The following NREP variants were observed in gnomAD, a reference collection of about 807,000 sequenced individuals.
NREP encodes the protein neuronal regeneration related protein.
A neutral mutation model predicts 8.6 loss-of-function variants in NREP; 5 were observed. The ratio of observed to expected loss-of-function variants is 0.58; its 90% CI spans 0.30 to 1.22. The LOEUF is 1.22. Ranked by LOEUF, NREP falls within the 50% of genes most tolerant of loss-of-function variation. NREP has a pLI of 0.07. For missense variants in NREP, 86 were observed against 82.5 expected (o/e 1.04, Z -0.17); for synonymous variants, 27 against 28.0 (o/e 0.96, Z 0.11).
At chr5:111,757,651 C>G, upstream of NREP, 2 of 983,132 alleles carry the variant, frequency 2.0e-6, no homozygotes, top group Non-Finnish European at 2.4e-6. Flanking sequence ...CCGGGCGCCC[C>G]GCTCGCCGCG....
intron 2 of NREP, among the ~76,000 whole-genome samples, chr5:111,867,018 A>G (rs1753682341): frequency 6.6e-6 from 1 of 151,998 alleles, no homozygotes; most frequent in Admixed American, 6.6e-5. Context: ...AGGGGGAGGG[A>G]TAGCATTTGG....
chr5:111,976,804 G>A (rs1417446244), exon 1 of NREP: 1 of 1,398,606 alleles, frequency 7.1e-7, no homozygotes, highest in Admixed American at 2.0e-5. Context: ...TTCTTGCCGG[G>A]AGTTGGCCAG....
At chr5:111,819,029 A>G (rs555410042) in intron 2 of NREP, among the ~76,000 whole-genome samples, 2 of 152,240 alleles carry the variant, frequency 1.3e-5, no homozygotes, top group Non-Finnish European at 2.9e-5. Context: ...TCAAAGAATC[A>G]GTATGTCAGT....
chr5:111,964,862 A>AT (rs1756591618), intron 2 of NREP, among the ~76,000 whole-genome samples: 1 of 106,558 alleles, frequency 9.4e-6, no homozygotes, highest in Admixed American at 8.6e-5. Context: ...CAGCAAAAAA[A>AT]AAAAAAAAAA....
intron 2 of NREP, among the ~76,000 whole-genome samples, chr5:111,836,013 A>G (rs772354989): frequency 9.5e-4 from 144 of 152,098 alleles, no homozygotes; most frequent in Non-Finnish European, 1.7e-3. Context: ...GGTGAAAAAG[A>G]AATAAGGTTC....
At chr5:111,838,895 G>C (rs1392731928) in intron 2 of NREP, among the ~76,000 whole-genome samples, 1 of 151,998 alleles carries the variant, frequency 6.6e-6, no homozygotes, top group Non-Finnish European at 1.5e-5. Context: ...ACATGTTGGA[G>C]ACAACTGGAA....
intron 2 of NREP, chr5:111,846,420 C>CTTTTTTTTTTTTGTTTTTTT (rs1753170126): frequency 2.3e-5 from 1 of 44,414 alleles, no homozygotes; most frequent in African/African-American, 8.5e-5. Flanking sequence ...TTTTTGTTTG[C>CTTTTTTTTTTTTGTTTTTTT]TTTTTTTTTT....
At chr5:111,778,971 C>T (rs928113252) in intron 2 of NREP, among the ~76,000 whole-genome samples, 1 of 152,040 alleles carries the variant, frequency 6.6e-6, no homozygotes, top group Non-Finnish European at 1.5e-5. Flanking sequence ...CATAGAAGAA[C>T]ATCTTGTAGC....
At chr5:111,791,736 G>A (rs868603460) in intron 2 of NREP, among the ~76,000 whole-genome samples, 30 of 152,168 alleles carry the variant, frequency 2.0e-4, no homozygotes, top group South Asian at 1.0e-3. Flanking sequence ...GCCTCCCAAA[G>A]TGTTGGGATT....
At chr5:111,807,346 C>A (rs891960180) in intron 2 of NREP, among the ~76,000 whole-genome samples, 5 of 152,114 alleles carry the variant, frequency 3.3e-5, no homozygotes, top group African/African-American at 1.2e-4. Flanking sequence ...ACAATCCTAA[C>A]CTTTCTTTCA....
intron 2 of NREP, among the ~76,000 whole-genome samples, chr5:111,872,808 C>A (rs1012058396): frequency 6.6e-6 from 1 of 152,124 alleles, no homozygotes; most frequent in Non-Finnish European, 1.5e-5. Flanking sequence ...ATCTTGACAG[C>A]AAGTTTTGAG....
intron 2 of NREP, among the ~76,000 whole-genome samples, chr5:111,843,298 G>C (rs888790814): frequency 2.6e-5 from 4 of 151,570 alleles, no homozygotes; most frequent in Admixed American, 2.0e-4. Flanking sequence ...CTTGCTGATT[G>C]CTTCCTTCTT....
At chr5:111,769,658 G>T (rs1304226604) in intron 2 of NREP, among the ~76,000 whole-genome samples, 1 of 152,216 alleles carries the variant, frequency 6.6e-6, no homozygotes, top group Non-Finnish European at 1.5e-5. Context: ...AGAAAGCATG[G>T]CTGGGAGGCC....
At chr5:111,773,264 A>T (rs1561660771) in intron 2 of NREP, among the ~76,000 whole-genome samples, 1 of 152,198 alleles carries the variant, frequency 6.6e-6, no homozygotes, top group Admixed American at 6.5e-5. Flanking sequence ...TGTTCTGGGA[A>T]GATATACCTT....
intron 1 of NREP, chr5:111,975,419 C>A: frequency 7.3e-7 from 1 of 1,363,684 alleles, no homozygotes. Flanking sequence ...AGCACTGACC[C>A]CCCTGAGTGC....
intron 2 of NREP, among the ~76,000 whole-genome samples, chr5:111,860,887 G>C (rs1753529154): frequency 1.3e-5 from 2 of 152,106 alleles, no homozygotes. Context: ...AAGGTTCATG[G>C]CTCATAAAAC....
chr5:111,747,226 C>T (rs561248946), intron 2 of NREP, among the ~76,000 whole-genome samples: 2 of 152,302 alleles, frequency 1.3e-5, no homozygotes, highest in Non-Finnish European at 2.9e-5. Context: ...CCTTGATAGT[C>T]TGAAAGTTGG....
intron 2 of NREP, among the ~76,000 whole-genome samples, chr5:111,926,106 C>T (rs1418967838): frequency 6.6e-6 from 1 of 152,110 alleles, no homozygotes; most frequent in Non-Finnish European, 1.5e-5. Flanking sequence ...AGAGAACCTA[C>T]CCAGGTCTCC....
chr5:111,867,869 A>G (rs1384018087), intron 2 of NREP, among the ~76,000 whole-genome samples: 1 of 152,070 alleles, frequency 6.6e-6, no homozygotes, highest in Non-Finnish European at 1.5e-5. Flanking sequence ...AACCAGTTCA[A>G]ACTGTATAAT....
Sources: allele counts gnomAD v4.1 joint callset (sites outside exome capture counted in the v4.1 genomes callset), GRCh38; gene constraint gnomAD v4.1.1; transcripts MANE v1.5; gene names NCBI Gene and HGNC (gene_info 2026-07-23, HGNC 2026-07-21).